The following FOXP1 variants were observed in gnomAD, a reference collection of about 807,000 sequenced individuals.
The protein encoded by FOXP1 is forkhead box protein P1.
FOXP1 carries 15 observed loss-of-function variants against 98.2 expected under a neutral mutation model. That is an observed-to-expected ratio of 0.15 (90% confidence interval 0.10 to 0.24). The LOEUF is 0.24. Ranked by LOEUF, FOXP1 falls within the 10% of genes least tolerant of loss-of-function variation. FOXP1 has a pLI of 1.00. For synonymous variants in FOXP1, 371 were observed against 314.5 expected (o/e 1.18, Z -1.90); for missense variants, 633 against 848.5 (o/e 0.75, Z 3.15).
chr3:71,164,951 G>A (rs1000985139), intron 6 of FOXP1, among the ~76,000 whole-genome samples: 10 of 152,166 alleles, frequency 6.6e-5, no homozygotes, highest in African/African-American at 2.4e-4. Flanking sequence ...AGTTACAACT[G>A]TTATTTTCTT....
At chr3:71,426,029 C>T (rs2084124202) in intron 3 of FOXP1, among the ~76,000 whole-genome samples, 1 of 152,266 alleles carries the variant, frequency 6.6e-6, no homozygotes, top group East Asian at 1.9e-4. Flanking sequence ...CTGAAAATAC[C>T]CTAGCATCAG....
chr3:71,182,502 A>ATGTGTGTGTG (rs1234678062), intron 6 of FOXP1, among the ~76,000 whole-genome samples: 18 of 133,702 alleles, frequency 1.3e-4, no homozygotes, highest in African/African-American at 5.1e-4. Flanking sequence ...AACTATATAT[A>ATGTGTGTGTG]TGTGTGTGTG....
At chr3:71,172,385 G>T (rs1310628480) in intron 6 of FOXP1, among the ~76,000 whole-genome samples, 1 of 152,072 alleles carries the variant, frequency 6.6e-6, no homozygotes, top group Non-Finnish European at 1.5e-5. Flanking sequence ...GAATCCATCG[G>T]GTTTCAAAAT....
chr3:71,377,734 CTTTGT>C (rs1039175376), intron 3 of FOXP1, among the ~76,000 whole-genome samples: 14 of 152,150 alleles, frequency 9.2e-5, no homozygotes, highest in Admixed American at 6.5e-4. Flanking sequence ...GAAAAAACAA[CTTTGT>C]TTTAAGAAGC....
chr3:70,983,102 G>A (rs1039672380), intron 14 of FOXP1, among the ~76,000 whole-genome samples: 1 of 152,214 alleles, frequency 6.6e-6, no homozygotes. Flanking sequence ...ACCAGGCCGT[G>A]CGGAGGGCAG....
chr3:71,135,442 CT>C (rs2059779137), intron 6 of FOXP1, among the ~76,000 whole-genome samples: 1 of 152,008 alleles, frequency 6.6e-6, no homozygotes, highest in South Asian at 2.1e-4. Flanking sequence ...CCCCTACCCC[CT>C]ACTCCCAAAA....
intron 3 of FOXP1, among the ~76,000 whole-genome samples, chr3:71,389,047 C>A (rs949000779): frequency 6.6e-6 from 1 of 151,908 alleles, no homozygotes; most frequent in African/African-American, 2.4e-5. Flanking sequence ...TTATCTCTAT[C>A]ATTAGAAATT....
chr3:71,374,204 G>A (rs1441316223), intron 3 of FOXP1, among the ~76,000 whole-genome samples: 4 of 152,220 alleles, frequency 2.6e-5, no homozygotes, highest in Non-Finnish European at 5.9e-5. Context: ...ATATAATGGA[G>A]TAACTTCCAC....
rs537508105 is a variant in FOXP1, at chr3:71,166,419, G to A, written c.180+31783C>T. Reference sequence around the variant, plus strand: ...TTTAAACTTTTCTTGAACTTTCTGTGTAATTAAACACCAAATTTGGCAACC... The same window carrying A: ...TTTAAACTTTTCTTGAACTTTCTGTATAATTAAACACCAAATTTGGCAACC... On this transcript the variant is annotated intron_variant, in intron 6 of 20. Transcript: ENST00000649528. 2.5e-4 allele frequency among the ~76,000 whole-genome samples: 38 copies of A among 152,294 alleles called. 1 individual carries two copies. In the South Asian group the frequency reaches 7.7e-3, roughly 31 times the overall value.
intron 9 of FOXP1, among the ~76,000 whole-genome samples, chr3:71,047,302 G>A (rs1261779411): frequency 6.6e-6 from 1 of 152,058 alleles, no homozygotes; most frequent in Non-Finnish European, 1.5e-5. Flanking sequence ...TCTACTGCCC[G>A]CTCCCATAAA....
chr3:71,238,055 C>T (rs543298203), intron 5 of FOXP1, among the ~76,000 whole-genome samples: 1 of 152,166 alleles, frequency 6.6e-6, no homozygotes, highest in Non-Finnish European at 1.5e-5. Context: ...CTACGAAAGG[C>T]TTTACATCCC....
At chr3:71,245,570 C>T (rs893079554) in intron 5 of FOXP1, among the ~76,000 whole-genome samples, 2 of 150,392 alleles carry the variant, frequency 1.3e-5, no homozygotes, top group South Asian at 2.2e-4. Context: ...CACCCACCCC[C>T]TCCCCATCTT....
intron 5 of FOXP1, among the ~76,000 whole-genome samples, chr3:71,230,966 G>A (rs931956662): frequency 2.0e-5 from 3 of 152,076 alleles, no homozygotes; most frequent in Non-Finnish European, 2.9e-5. Flanking sequence ...GCCAGAGAAC[G>A]GGAAAAAATT....
intron 13 of FOXP1, among the ~76,000 whole-genome samples, chr3:70,993,506 A>C (rs904080164): frequency 6.6e-6 from 1 of 152,168 alleles, no homozygotes. Context: ...TAAACAAGTT[A>C]ATCAGACCTC....
chr3:71,067,731 T>TACACACACACACACACACAC (rs6147878), intron 7 of FOXP1, among the ~76,000 whole-genome samples: 4,727 of 126,498 alleles, frequency 0.037, 165 homozygotes, highest in Non-Finnish European at 0.043. Flanking sequence ...TCTCCAAAAA[T>TACACACACACACACACACAC]ACACACACAC....
At chr3:71,334,542 C>T (rs2076553922) in intron 4 of FOXP1, 1 of 151,914 alleles carries the variant, frequency 6.6e-6, no homozygotes, top group Non-Finnish European at 1.5e-5. Flanking sequence ...GCAAAAGGAC[C>T]CTGGACACTG....
intron 12 of FOXP1, among the ~76,000 whole-genome samples, chr3:71,005,983 CACAA>C (rs1195851003): frequency 6.6e-6 from 1 of 151,992 alleles, no homozygotes; most frequent in Admixed American, 6.6e-5. Context: ...AGCTAATATC[CACAA>C]ACAATCAAAC....
At chr3:70,971,789 A>G (rs913294680) in intron 18 of FOXP1, 31 of 396,480 alleles carry the variant, frequency 7.8e-5, no homozygotes, top group African/African-American at 2.1e-5. Context: ...GAATCAAAAT[A>G]GAACGAATAT....
Position 71,015,645 on chromosome 3 carries a change from T to C in FOXP1, c.878A>G (p.His293Arg), listed in dbSNP as rs1486029197. 1 of 1,605,506 alleles carries C rather than the reference T, an allele frequency of 6.2e-7. No individual in the cohort carries two copies. The highest frequency in any genetic ancestry group is 1.7e-5 in the Admixed American group (1 of 59,940). Residue 293 changes from histidine to arginine, a missense_variant, in exon 12 of 21, where the codon CAT becomes CGT. Physicochemically the swap from His to Arg is conservative, Grantham distance 29 (BLOSUM62 0). Coordinates refer to ENST00000649528, the MANE Select transcript of FOXP1 (RefSeq NM_001349338.3). ...VHTPKRESLS[H>R]EEHPHSHPLY... The stretch of plus-strand genomic sequence containing the variant: ...AGGATGGCTATGGGGGTGCTCCTCA[T>C]GGGACAAACTGAAAGAAAACACACA...
Sources: gnomAD v4.1 joint callset for allele counts (sites outside exome capture counted in the v4.1 genomes callset) on GRCh38, gnomAD v4.1.1 for gene constraint, MANE v1.5 for transcripts, NCBI Gene and HGNC (gene_info 2026-07-23, HGNC 2026-07-21) for gene names.